The following COL11A1 variants were observed in gnomAD, a reference collection of about 807,000 sequenced individuals.
COL11A1 encodes collagen alpha-1(XI) chain.
A neutral mutation model predicts 265.2 loss-of-function variants in COL11A1; 74 were observed. The observed-to-expected ratio is 0.28, with a 90% CI of 0.23 to 0.34. The LOEUF is 0.34. Ranked by LOEUF, COL11A1 falls within the 10% of genes least tolerant of loss-of-function variation. The pLI is 1.00. For missense variants in COL11A1, 2,165 were observed against 2,263.6 expected, an observed-to-expected ratio of 0.96 and a Z score of 0.88; for synonymous variants, 816 against 727.6, an observed-to-expected ratio of 1.12 and a Z score of -1.96.
intron 31 of COL11A1, 44 bp downstream of exon 31, chr1:102,984,093 AT>A: frequency 7.8e-7 from 1 of 1,287,208 alleles, no homozygotes; most frequent in Non-Finnish European, 1.1e-6. Context: ...GATTAATATT[AT>A]CTTCACGAAA....
chr1:103,066,802 T>C (rs528788394), intron 4 of COL11A1, among the ~76,000 whole-genome samples: 1 of 152,070 alleles, frequency 6.6e-6, no homozygotes, highest in African/African-American at 2.4e-5. Context: ...AGGCACACTT[T>C]AACTATGCAG....
chr1:102,933,196 T>C (rs1657703837), intron 46 of COL11A1, among the ~76,000 whole-genome samples: 1 of 144,012 alleles, frequency 6.9e-6, no homozygotes, highest in African/African-American at 2.6e-5. Context: ...AGTTTTTCTG[T>C]TCTGTTTTTT....
At chr1:102,985,087 G>A (rs2101720632) in intron 30 of COL11A1, among the ~76,000 whole-genome samples, 1 of 151,748 alleles carries the variant, frequency 6.6e-6, no homozygotes, top group Non-Finnish European at 1.5e-5. Flanking sequence ...ATTTTACTGT[G>A]CATCCATTTA....
rs201585594 is a variant in COL11A1 at position 103,018,848 on chromosome 1, G to A, written c.1320C>T (p.Val440=). 91 of 1,612,158 alleles carry A rather than the reference G, an allele frequency of 5.6e-5. No individual in the cohort carries two copies. In the East Asian group the frequency reaches 1.6e-3, roughly 28 times the overall value. ...GTCCTGCTGGTCCTGGTGGTCCTTC[G>A]ACAAGCATACCCTATAACAGGAAAA... The part of the protein sequence containing the change: ...EPAVVEPGML[V]EGPPGPAGPA... Residue 440 remains valine, a synonymous_variant, in exon 10 of 67, where the codon GTC becomes GTT. Coordinates refer to ENST00000370096, the MANE Select transcript of COL11A1 (RefSeq NM_001854.4).
At chr1:102,921,219 G>T (rs1037036438) in intron 48 of COL11A1, among the ~76,000 whole-genome samples, 1 of 152,154 alleles carries the variant, frequency 6.6e-6, no homozygotes, top group Non-Finnish European at 1.5e-5. Flanking sequence ...GTCTAAGTAT[G>T]TTGGTTTGAA....
chr1:102,914,829 A>C lies in COL11A1; in HGVS notation c.3817-18T>G, dbSNP rs765556547. 1 of 1,566,360 alleles carries C rather than the reference A, an allele frequency of 6.4e-7. No homozygotes were observed. The highest frequency in any genetic ancestry group is 8.7e-7 in the Non-Finnish European group (1 of 1,143,608). On this transcript the variant is annotated intron_variant, in intron 50 of 66. Transcript: ENST00000370096. ...TTGGGACCCTAAACAATGTTAAAAA[A>C]AAAAAAAGAAGAAGAAGGAAAGAAG...
chr1:103,024,428 T>C (rs879353815), intron 7 of COL11A1, among the ~76,000 whole-genome samples: 4 of 152,234 alleles, frequency 2.6e-5, no homozygotes, highest in Non-Finnish European at 5.9e-5. Context: ...TAATATTAGA[T>C]AATAGTATTA....
chr1:102,881,074 TAAAC>T (rs1650181947), intron 65 of COL11A1, among the ~76,000 whole-genome samples: 1 of 152,026 alleles, frequency 6.6e-6, no homozygotes, highest in African/African-American at 2.4e-5. Context: ...CAAAGAAAAT[TAAAC>T]AACTGAATAA....
intron 41 of COL11A1, among the ~76,000 whole-genome samples, chr1:102,953,108 T>G (rs1248384465): frequency 6.6e-6 from 1 of 152,208 alleles, no homozygotes; most frequent in Admixed American, 6.5e-5. Flanking sequence ...GAGACATTTT[T>G]GTATTGCTGT....
At chr1:102,884,055 G>A (rs903705967) in intron 63 of COL11A1, among the ~76,000 whole-genome samples, 1 of 152,088 alleles carries the variant, frequency 6.6e-6, no homozygotes, top group Admixed American at 6.6e-5. Context: ...AAAGTTACTA[G>A]GAGCCAAAAG....
chr1:102,922,508 T>C (rs964850191), intron 47 of COL11A1, among the ~76,000 whole-genome samples: 1 of 152,220 alleles, frequency 6.6e-6, no homozygotes, highest in Non-Finnish European at 1.5e-5. Flanking sequence ...GCCATTCTTC[T>C]GTCTCAGCCT....
chr1:103,033,459 AT>A (rs1364854163), intron 4 of COL11A1, among the ~76,000 whole-genome samples: 1 of 152,064 alleles, frequency 6.6e-6, no homozygotes, highest in Non-Finnish European at 1.5e-5. Flanking sequence ...TTTCAAATTA[AT>A]ACTAACTTCA....
rs1483987605 is a variant in COL11A1 at position 102,912,160 on chromosome 1, C to T, written c.4085G>A (p.Arg1362Gln). ...AAATAAAGAATTAAAGAAACTTACT[C>T]GTTTTCCAGGAGGACCTGGTGGGCC... ...EAGPPGPPGK[R>Q]GPPGAAGAEG... The change falls in exon 54 of 67, where the codon CGA becomes CAA. Residue 1362 changes from arginine to glutamine, a missense_variant and splice_region_variant. By Grantham distance (43) the Arg-to-Gln change is conservative (BLOSUM62 1). Coordinates refer to ENST00000370096, the MANE Select transcript of COL11A1 (RefSeq NM_001854.4). The T allele has an allele frequency of 9.9e-6, 16 of 1,609,508 alleles. No homozygotes were observed. The highest frequency in any genetic ancestry group is 1.7e-4 in the Middle Eastern group (1 of 6,046).
Position 103,006,526 on chromosome 1 carries a change from A to ATTTTTTTTTTTTTTTTTTTT in COL11A1, c.1684-231_1684-212dup, listed in dbSNP as rs4013849. Among the ~76,000 whole-genome samples, 6 of 82,862 alleles carry ATTTTTTTTTTTTTTTTTTTT rather than the reference A, an allele frequency of 7.2e-5. 1 individual carries two copies. Among genetic ancestry groups the ATTTTTTTTTTTTTTTTTTTT allele is most frequent in the Non-Finnish European group, 1.1e-4 (5 of 47,228 alleles). 54.4% of individuals were successfully genotyped at this position (82,862 alleles called of 152,430 possible). A position where few individuals can be genotyped will look rare whatever the true frequency, so the allele number is the denominator to read the frequency against. On this transcript the variant is annotated intron_variant, in intron 15 of 66. Coordinates refer to ENST00000370096, the MANE Select transcript of COL11A1 (RefSeq NM_001854.4). ...ATACCTATTTTTTCTAAATGGCTCC[A>ATTTTTTTTTTTTTTTTTTTT]TTTTTTTTTTTTTTTTTTTTTTTTT...
At chr1:102,950,169 A>G (rs1184278603) in intron 41 of COL11A1, among the ~76,000 whole-genome samples, 1 of 152,070 alleles carries the variant, frequency 6.6e-6, no homozygotes, top group Non-Finnish European at 1.5e-5. Flanking sequence ...GCATGCACCT[A>G]TAGTCAGCTA....
chr1:102,880,138 T>C (rs973245997), intron 65 of COL11A1: 1 of 512,332 alleles, frequency 2.0e-6, no homozygotes, highest in Non-Finnish European at 3.5e-6. Flanking sequence ...CCACTGCTTA[T>C]CTTTGAAAAA....
At chr1:103,043,096 T>C (rs1373844463) in intron 4 of COL11A1, among the ~76,000 whole-genome samples, 1 of 142,632 alleles carries the variant, frequency 7.0e-6, no homozygotes, top group African/African-American at 2.6e-5. Context: ...ATATATGAAA[T>C]ATATATAATG....
Position 102,962,770 on chromosome 1 carries a change from A to G in COL11A1, c.2917-10T>C, listed in dbSNP as rs1486230467. On this transcript the variant is annotated splice_polypyrimidine_tract_variant and intron_variant, in intron 38 of 66. Coordinates refer to ENST00000370096, the MANE Select transcript of COL11A1 (RefSeq NM_001854.4). ...TCTCACCGGTTGGTCCCTAAATTAG[A>G]TAAGCAAAATCACTTTAGATTGCTC... is the stretch of plus-strand genomic sequence containing the variant. 1.9e-6 allele frequency: 3 copies of G among 1,611,822 alleles called. No homozygotes were observed. The highest frequency in any genetic ancestry group is 2.5e-6 in the Non-Finnish European group (3 of 1,178,064).
Position 103,082,760 on chromosome 1 carries a change from T to C in COL11A1, c.274+45A>G, listed in dbSNP as rs114453998. ...AGTTTTAGTAGTAACAAAAGTGTAA[T>C]AACTTTTAGTAATAATAACAATAAT... On this transcript the variant is annotated intron_variant, in intron 2 of 66. Coordinates refer to ENST00000370096, the MANE Select transcript of COL11A1 (RefSeq NM_001854.4). 2,946 of 1,501,584 alleles carry C rather than the reference T, an allele frequency of 2.0e-3. 53 individuals are homozygous for C. In the African/African-American group the frequency reaches 0.036, roughly 19 times the overall value. The allele number at this position is 1,501,584 out of a possible 1,614,324, so 93.0% of individuals were successfully genotyped here. A position where few individuals can be genotyped will look rare whatever the true frequency, so the allele number is the denominator to read the frequency against.
Sources: allele counts gnomAD v4.1 joint callset (sites outside exome capture counted in the v4.1 genomes callset), GRCh38; gene constraint gnomAD v4.1.1; transcripts MANE v1.5; gene names NCBI Gene and HGNC (gene_info 2026-07-23, HGNC 2026-07-21).